Variants in HSPA1L observed in about 807,000 individuals in gnomAD.
HSPA1L encodes heat shock protein family A (Hsp70) member 1 like.
Under a neutral mutation model 31.5 loss-of-function variants are expected in HSPA1L, and 21 were observed. The ratio of observed to expected loss-of-function variants is 0.67; its 90% CI spans 0.47 to 0.96. The LOEUF is 0.96. Ranked by LOEUF, HSPA1L falls within the 40% of genes least tolerant of loss-of-function variation. The pLI, the probability that HSPA1L is intolerant of heterozygous loss-of-function variation, is 0.00. For missense variants in HSPA1L, 709 were observed against 813.4 expected (o/e 0.87, Z 1.56); for synonymous variants, 293 against 323.1 (o/e 0.91, Z 1.00).
rs1307041606 is a variant in HSPA1L at position 31,811,722 on chromosome 6, A to G, written c.251T>C (p.Val84Ala). 37 of 1,614,078 alleles carry G rather than the reference A, an allele frequency of 2.3e-5. 1 individual carries two copies. The highest frequency in any genetic ancestry group is 6.7e-5 in the East Asian group (3 of 44,896). Residue 84 changes from valine to alanine, a missense_variant, in exon 2 of 2, where the codon GTT becomes GCT. Transcript: ENST00000375654. ...CCAAAGTTTCATATCTGCTTGTACAACAGGATCATTAAATTTCCTGCCGAT... is the reference window on the plus strand; with the variant it reads ...CCAAAGTTTCATATCTGCTTGTACAGCAGGATCATTAAATTTCCTGCCGAT... ...RLIGRKFNDP[V>A]VQADMKLWPF...
In HSPA1L at chr6:31,815,165, AG is replaced by A; in HGVS notation, c.-291del. ...ACGCGCGTAACCCGCTCCCCGCACC[AG>A]CCCCCTGCCCACAACTGCGCAGGCC... is the stretch of plus-strand genomic sequence containing the variant. On this transcript the variant is annotated 5_prime_UTR_variant, in exon 1 of 2. Coordinates refer to ENST00000375654, the MANE Select transcript of HSPA1L (RefSeq NM_005527.4). 3.7e-6 allele frequency: 1 copy of A among 272,698 alleles called. No individual in the cohort carries two copies. Among genetic ancestry groups the A allele is most frequent in the African/African-American group, 2.4e-5 (1 of 41,844 alleles). 16.9% of individuals were successfully genotyped at this position (272,698 alleles called of 1,614,324 possible).
At position 31,811,460 on chromosome 6, in the gene HSPA1L, C is replaced by T. The variant is rs1432008302; in HGVS notation, c.513G>A (p.Val171=). Residue 171 remains valine (V), a synonymous_variant, in exon 2 of 2, where the codon GTG becomes GTA. Coordinates refer to ENST00000375654, the MANE Select transcript of HSPA1L (RefSeq NM_005527.4). ...CCGTGGGCTCATTGATGATTCTTAG[C>T]ACATTAAGTCCAGCAATCACACCTG... ...KDAGVIAGLN[V]LRIINEPTAA... 6.2e-7 allele frequency: 1 copy of T among 1,614,076 alleles called. No individual in the cohort carries two copies. The highest frequency in any genetic ancestry group is 8.5e-7 in the Non-Finnish European group (1 of 1,180,048).
Position 31,810,052 on chromosome 6 carries a change from C to A in HSPA1L, c.1921G>T (p.Asp641Tyr). The change falls in exon 2 of 2, where the codon GAT (aspartate) becomes TAT (tyrosine). Residue 641 changes from aspartate to tyrosine, a missense_variant. Asp to Tyr is a radical substitution (Grantham distance 160). Transcript: ENST00000375654. ...TGCTTCAGTTCTAAAAAGAATTAAT[C>A]TACTTCTTCAATTGTGGGGCCTGTG... ...PATGPTIEEV[D>Y] The A allele has an allele frequency of 7.1e-7, 1 of 1,414,678 alleles. No homozygotes were observed. Among genetic ancestry groups the A allele is most frequent in the African/African-American group, 1.5e-5 (1 of 68,254 alleles). 87.6% of individuals were successfully genotyped at this position (1,414,678 alleles called of 1,614,324 possible). A position where few individuals can be genotyped will look rare whatever the true frequency, so the allele number is the denominator to read the frequency against.
intron 1 of HSPA1L, 40 bp downstream of exon 1, chr6:31,814,849 C>A (rs562124324): frequency 2.0e-4 from 196 of 967,942 alleles, no homozygotes; most frequent in Non-Finnish European, 2.2e-4. Flanking sequence ...ACCTACTGAG[C>A]CTTTCAGGTT....
In HSPA1L at chr6:31,811,471, C is replaced by T; in HGVS notation, c.502G>A (p.Gly168Arg). ...TTGATGATTCTTAGCACATTAAGTC[C>T]AGCAATCACACCTGCATCCTTAGTA... is the stretch of plus-strand genomic sequence containing the variant. ...QATKDAGVIAGLNVLRIINEP... is the reference protein window; with the variant it reads ...QATKDAGVIARLNVLRIINEP... The change falls in exon 2 of 2, where the codon GGA (glycine) becomes AGA (arginine). Residue 168 changes from glycine (G) to arginine (R), a missense_variant. Transcript: ENST00000375654. 2 of 1,614,202 alleles carry T rather than the reference C, an allele frequency of 1.2e-6. No individual in the cohort carries two copies. Among genetic ancestry groups the T allele is most frequent in the Non-Finnish European group, 1.7e-6 (2 of 1,180,038 alleles).
In HSPA1L at chr6:31,810,238, G is replaced by T; in HGVS notation, c.1735C>A (p.Leu579Ile). The T allele has an allele frequency of 6.6e-7, 1 of 1,525,340 alleles. No individual in the cohort carries two copies. Among genetic ancestry groups the T allele is most frequent in the South Asian group, 1.3e-5 (1 of 74,732 alleles). The allele number at this position is 1,525,340 out of a possible 1,614,324, so 94.5% of individuals were successfully genotyped here. Reference protein sequence around the residue: ...KNKILDKCNELLSWLEVNQLA... With the variant: ...KNKILDKCNEILSWLEVNQLA... ...TGATTGACCTCCAGCCACGAAAGGAGCTCGTTGCATTTATCCAATATTTTA... is the reference window on the plus strand; with the variant it reads ...TGATTGACCTCCAGCCACGAAAGGATCTCGTTGCATTTATCCAATATTTTA... Residue 579 changes from leucine to isoleucine, a missense_variant, in exon 2 of 2, where the codon CTC becomes ATC. Transcript: ENST00000375654.
At chr6:31,813,868 T>C (rs1815624719) in intron 1 of HSPA1L, among the ~76,000 whole-genome samples, 1 of 152,206 alleles carries the variant, frequency 6.6e-6, no homozygotes, top group African/African-American at 2.4e-5. Flanking sequence ...TGTCTCTTTA[T>C]GACCCAAGAG....
rs754094690 is a variant in HSPA1L, at chr6:31,811,480, C to T, written c.493G>A (p.Val165Met). The T allele has an allele frequency of 2.5e-6, 4 of 1,614,224 alleles. No individual in the cohort carries two copies. Among genetic ancestry groups the T allele is most frequent in the Non-Finnish European group, 3.4e-6 (4 of 1,180,038 alleles). Residue 165 changes from valine (V) to methionine (M), a missense_variant, in exon 2 of 2, where the codon GTG becomes ATG. By Grantham distance (21) the Val-to-Met change is conservative. Coordinates refer to ENST00000375654, the MANE Select transcript of HSPA1L (RefSeq NM_005527.4). ...CTTAGCACATTAAGTCCAGCAATCA[C>T]ACCTGCATCCTTAGTAGCCTGACGT... ...SQRQATKDAG[V>M]IAGLNVLRII...
chr6:31,811,963 C>T lies in HSPA1L; in HGVS notation c.10G>A (p.Ala4Thr), dbSNP rs372378700. The T allele has an allele frequency of 6.2e-7, 1 of 1,614,128 alleles. No individual in the cohort carries two copies. The highest frequency in any genetic ancestry group is 1.1e-5 in the South Asian group (1 of 91,078). The change falls in exon 2 of 2, where the codon GCC becomes ACC. Residue 4 changes from alanine (A) to threonine (T), a missense_variant. Transcript: ENST00000375654. ...TCGATGCCTATGGCGATTCCCTTGGCAGTAGCCATGGTTCTCTGAGGCCTA... is the reference window on the plus strand; with the variant it reads ...TCGATGCCTATGGCGATTCCCTTGGTAGTAGCCATGGTTCTCTGAGGCCTA... MAT[A>T]KGIAIGIDLG...
chr6:31,811,357 T>C lies in HSPA1L; in HGVS notation c.616A>G (p.Thr206Ala), dbSNP rs780372000. ...HVLIFDLGGG[T>A]FDVSILTIDD... ...ATGGTCAGAATTGACACATCAAATG[T>C]GCCTCCACCCAGATCAAAAATCAGG... The change falls in exon 2 of 2, where the codon ACA becomes GCA. Residue 206 changes from threonine to alanine, a missense_variant. By Grantham distance (58) the Thr-to-Ala change is moderately conservative. Coordinates refer to ENST00000375654, the MANE Select transcript of HSPA1L (RefSeq NM_005527.4). The C allele has an allele frequency of 8.1e-6, 13 of 1,614,106 alleles. No homozygotes were observed. In the Admixed American group the frequency reaches 8.3e-5, roughly 10 times the overall value.
intron 1 of HSPA1L, among the ~76,000 whole-genome samples, 163 bp downstream of exon 1, chr6:31,814,726 A>T (rs1815751492): frequency 6.7e-6 from 1 of 149,868 alleles, no homozygotes; most frequent in South Asian, 2.1e-4. Context: ...CGACCAATCA[A>T]TCTGAAGCCA....
In HSPA1L at chr6:31,811,003, G is replaced by A. The variant is rs779666881; in HGVS notation, c.970C>T (p.Arg324Trp). The A allele has an allele frequency of 6.8e-6, 11 of 1,614,038 alleles. No individual in the cohort carries two copies. Among genetic ancestry groups the A allele is most frequent in the Admixed American group, 3.3e-5 (2 of 60,000 alleles). Residue 324 changes from arginine to tryptophan, a missense_variant, in exon 2 of 2, where the codon CGG (arginine) becomes TGG (tryptophan). By Grantham distance (101) the Arg-to-Trp change is moderately radical. Coordinates refer to ENST00000375654, the MANE Select transcript of HSPA1L (RefSeq NM_005527.4). ...TTAGCCTTATCCATCTTGGCATCCC[G>A]AAGCGCTTTTTCTACAGGCTCCAGG... ...GTLEPVEKALRDAKMDKAKIH... is the reference protein window; with the variant it reads ...GTLEPVEKALWDAKMDKAKIH...
chr6:31,815,100 G>A lies in HSPA1L; in HGVS notation c.-225C>T, dbSNP rs1181152199. The A allele has an allele frequency of 2.2e-6, 2 of 926,138 alleles. No individual in the cohort carries two copies. The highest frequency in any genetic ancestry group is 2.6e-6 in the Non-Finnish European group (2 of 770,992). The allele number at this position is 926,138 out of a possible 1,614,324, so 57.4% of individuals were successfully genotyped here. A position where few individuals can be genotyped will look rare whatever the true frequency, so the allele number is the denominator to read the frequency against. On this transcript the variant is annotated 5_prime_UTR_variant, in exon 1 of 2. Transcript: ENST00000375654. ...GAGACAGTATCTCCATTGTAACGTG[G>A]CCGGGCGGTGTCAACACAAACGCCC...
rs760512895 is a variant in HSPA1L, at chr6:31,811,183, G to A, written c.790C>T (p.Arg264Trp). Residue 264 changes from arginine (R) to tryptophan (W), a missense_variant, in exon 2 of 2, where the codon CGG (arginine) becomes TGG (tryptophan). By Grantham distance (101) the Arg-to-Trp change is moderately radical (BLOSUM62 -3). Coordinates refer to ENST00000375654, the MANE Select transcript of HSPA1L (RefSeq NM_005527.4). ...GCCCTCTCGCAGGCGGTGCGCAGCC[G>A]CCTCACGGCTCGCTTGTTCTGGCTG... ...DISQNKRAVR[R>W]LRTACERAKR... is the part of the protein sequence containing the mutation. 1.4e-5 allele frequency: 22 copies of A among 1,614,074 alleles called. No homozygotes were observed. Among genetic ancestry groups the A allele is most frequent in the African/African-American group, 2.7e-5 (2 of 74,924 alleles).
chr6:31,809,742 C>A lies in HSPA1L; in HGVS notation c.*305G>T, dbSNP rs527447701. On this transcript the variant is annotated 3_prime_UTR_variant, in exon 2 of 2. Transcript: ENST00000375654. ...TAAATACCAGAAGTAATTTTCTTTA[C>A]GAACAAATTTACTGATTGACAAATA... is the stretch of plus-strand genomic sequence containing the variant. 8.8e-6 allele frequency: 3 copies of A among 339,630 alleles called. No individual in the cohort carries two copies. Among genetic ancestry groups the A allele is most frequent in the Non-Finnish European group, 1.6e-5 (3 of 189,616 alleles). 21.0% of individuals were successfully genotyped at this position (339,630 alleles called of 1,614,324 possible). A position where few individuals can be genotyped will look rare whatever the true frequency, so the allele number is the denominator to read the frequency against.
rs371226757 is a variant in HSPA1L at position 31,810,159 on chromosome 6, C to T, written c.1814G>A (p.Cys605Tyr). ...GTAGAGTTTTGTGATGATAGGGTTA[C>T]ACATCTGCTCCAATTCCTTTCTCTT... ...DHKRKELEQM[C>Y]NPIITKLYQG... Residue 605 changes from cysteine (C) to tyrosine (Y), a missense_variant, in exon 2 of 2, where the codon TGT (cysteine) becomes TAT (tyrosine). By Grantham distance (194) the Cys-to-Tyr change is radical (BLOSUM62 -2). Transcript: ENST00000375654. 8 of 1,525,202 alleles carry T rather than the reference C, an allele frequency of 5.2e-6. No individual in the cohort carries two copies. The highest frequency in any genetic ancestry group is 2.8e-5 in the African/African-American group (2 of 72,002). The allele number at this position is 1,525,202 out of a possible 1,614,324, so 94.5% of individuals were successfully genotyped here.
At position 31,810,674 on chromosome 6, in the gene HSPA1L, G is replaced by A. The variant is rs1318004843; in HGVS notation, c.1299C>T (p.Tyr433=). ...TCAGCACCCCGGGTTGGTTGTCAGA[G>A]TAGGTGGTGAAAATCTGTGTCTGCT... The part of the protein sequence containing the change: ...PTKQTQIFTT[Y]SDNQPGVLIQ... Residue 433 remains tyrosine, a synonymous_variant, in exon 2 of 2, where the codon TAC becomes TAT. Coordinates refer to ENST00000375654, the MANE Select transcript of HSPA1L (RefSeq NM_005527.4). 3 of 1,613,998 alleles carry A rather than the reference G, an allele frequency of 1.9e-6. No homozygotes were observed. Among genetic ancestry groups the A allele is most frequent in the Non-Finnish European group, 2.5e-6 (3 of 1,180,028 alleles).
intron 1 of HSPA1L, among the ~76,000 whole-genome samples, 173 bp downstream of exon 1, chr6:31,814,716 C>T (rs1292889384): frequency 6.7e-6 from 1 of 149,826 alleles, no homozygotes; most frequent in Non-Finnish European, 1.5e-5. Flanking sequence ...CTGGCTGCTC[C>T]GACCAATCAA....
rs1815389384 is a variant in HSPA1L, at chr6:31,811,219, T to G, written c.754A>C (p.Lys252Gln). ...CGCTTGTTCTGGCTGATGTCCTTTT[T>G]GTGTTTCCTCTTGAACTCCTCCACG... ...HFVEEFKRKH[K>Q]KDISQNKRAV... The change falls in exon 2 of 2, where the codon AAA becomes CAA. Residue 252 changes from lysine to glutamine, a missense_variant. Transcript: ENST00000375654. 5 of 1,614,210 alleles carry G rather than the reference T, an allele frequency of 3.1e-6. No individual in the cohort carries two copies. Among genetic ancestry groups the G allele is most frequent in the Non-Finnish European group, 4.2e-6 (5 of 1,180,042 alleles).
Sources: allele counts gnomAD v4.1 joint callset (sites outside exome capture counted in the v4.1 genomes callset), GRCh38; gene constraint gnomAD v4.1.1; transcripts MANE v1.5; gene names NCBI Gene and HGNC (gene_info 2026-07-23, HGNC 2026-07-21).